The following STXBP5L variants were observed in gnomAD, a reference collection of about 807,000 sequenced individuals.
The protein encoded by STXBP5L is syntaxin-binding protein 5-like.
Under a neutral mutation model 144.5 loss-of-function variants are expected in STXBP5L, and 65 were observed. The observed-to-expected ratio is 0.45, with a 90% CI of 0.37 to 0.55. The LOEUF is 0.55. Among genes scored for constraint, STXBP5L ranks in the 20% least tolerant of loss-of-function variants. STXBP5L has a pLI of 0.00. For missense variants in STXBP5L, 1,298 were observed against 1,405.5 expected (o/e 0.92, Z 1.22); for synonymous variants, 505 against 469.6 (o/e 1.08, Z -0.97).
At chr3:121,076,988 G>GT (rs1384954169) in intron 5 of STXBP5L, among the ~76,000 whole-genome samples, 1 of 152,104 alleles carries the variant, frequency 6.6e-6, no homozygotes, top group Non-Finnish European at 1.5e-5. Flanking sequence ...CCTAGGTCTG[G>GT]TTTTTCCCAT....
chr3:121,152,309 A>G (rs1003361776), intron 7 of STXBP5L, among the ~76,000 whole-genome samples, 168 bp from the exon 8 acceptor site: 1 of 152,002 alleles, frequency 6.6e-6, no homozygotes, highest in African/African-American at 2.4e-5. Flanking sequence ...ATTGAAGCAG[A>G]GTTTGCCATT....
intron 20 of STXBP5L, among the ~76,000 whole-genome samples, chr3:121,330,970 G>C (rs2044303360): frequency 6.6e-6 from 1 of 152,204 alleles, no homozygotes; most frequent in Non-Finnish European, 1.5e-5. Context: ...CTTGAGGACA[G>C]GTCATGTGCC....
At chr3:120,998,201 C>G (rs1357812144) in intron 3 of STXBP5L, among the ~76,000 whole-genome samples, 1 of 152,096 alleles carries the variant, frequency 6.6e-6, no homozygotes, top group Non-Finnish European at 1.5e-5. Flanking sequence ...TTTACCACTC[C>G]AATTCAACAT....
intron 20 of STXBP5L, among the ~76,000 whole-genome samples, chr3:121,363,331 G>T (rs1031400810): frequency 6.6e-6 from 1 of 152,138 alleles, no homozygotes; most frequent in African/African-American, 2.4e-5. Context: ...TCACCTAAGA[G>T]TTGTAGTCCT....
rs199635948 is a variant in STXBP5L, at chr3:121,411,186, C to T, written c.2949-1972C>T. 2.6e-5 allele frequency among the ~76,000 whole-genome samples: 4 copies of T among 152,202 alleles called. No individual in the cohort carries two copies. The East Asian group carries it at 7.7e-4, about 29-fold the overall frequency. ...CGTTTACAGCACATCTCAATTCAGA[C>T]GAGCCACGTATCAACTGCTCAATAG... On this transcript the variant is annotated intron_variant, in intron 23 of 26. Transcript: ENST00000471454.
intron 20 of STXBP5L, among the ~76,000 whole-genome samples, chr3:121,322,505 C>A (rs1033657963): frequency 6.9e-6 from 1 of 144,218 alleles, no homozygotes; most frequent in Non-Finnish European, 1.5e-5. Flanking sequence ...ACATGACTTT[C>A]TTTTTTATGG....
intron 4 of STXBP5L, among the ~76,000 whole-genome samples, chr3:121,042,112 A>G (rs1947199840): frequency 6.6e-6 from 1 of 152,102 alleles, no homozygotes; most frequent in South Asian, 2.1e-4. Flanking sequence ...CCACCAACTT[A>G]AATTTTGTAA....
intron 7 of STXBP5L, among the ~76,000 whole-genome samples, chr3:121,141,552 T>C (rs2045505844): frequency 6.6e-6 from 1 of 152,164 alleles, no homozygotes; most frequent in South Asian, 2.1e-4. Flanking sequence ...AGGATACAAT[T>C]AGTAAAAATA....
In STXBP5L at chr3:121,359,319, A is replaced by G. The variant is rs535954461; in HGVS notation, c.2177-19397A>G. ...TCAGATTATTAGATTTTTTTCATAT[A>G]GAGTTGTTTTGAGCTTTTTATATAT... On this transcript the variant is annotated intron_variant, in intron 20 of 26. Transcript: ENST00000471454. Among the ~76,000 whole-genome samples the G allele has an allele frequency of 2.3e-4, 35 of 152,190 alleles. 1 individual carries two copies. In the South Asian group the frequency reaches 7.1e-3, roughly 31 times the overall value.
At chr3:120,977,611 C>T (rs2638579) in intron 3 of STXBP5L, among the ~76,000 whole-genome samples, 32,393 of 151,920 alleles carry the variant, frequency 0.21, 3,670 homozygotes, top group Non-Finnish European at 0.26. Context: ...TTATTTTGCT[C>T]CTTAGTTGAG....
intron 10 of STXBP5L, among the ~76,000 whole-genome samples, chr3:121,221,068 A>G (rs929987294): frequency 1.3e-5 from 2 of 151,820 alleles, no homozygotes; most frequent in East Asian, 3.8e-4. Flanking sequence ...CTTAGCTGTT[A>G]TTTAACCTCA....
At chr3:121,144,436 G>A (rs527648192) in intron 7 of STXBP5L, among the ~76,000 whole-genome samples, 1 of 151,876 alleles carries the variant, frequency 6.6e-6, no homozygotes, top group East Asian at 1.9e-4. Flanking sequence ...ATAGATACTA[G>A]GATCATTATT....
chr3:121,318,221 G>T (rs562775122), intron 19 of STXBP5L, among the ~76,000 whole-genome samples: 13 of 152,060 alleles, frequency 8.5e-5, no homozygotes, highest in Non-Finnish European at 1.5e-4. Flanking sequence ...ACTTTGGGAA[G>T]CTGAGGTGGG....
At chr3:121,053,966 T>C (rs1312893245) in intron 5 of STXBP5L, among the ~76,000 whole-genome samples, 1 of 152,104 alleles carries the variant, frequency 6.6e-6, no homozygotes, top group Non-Finnish European at 1.5e-5. Context: ...AAGACATTTA[T>C]GCAGCCAAAA....
At chr3:121,208,251 CAT>C (rs1161410891) in intron 10 of STXBP5L, among the ~76,000 whole-genome samples, 1 of 148,446 alleles carries the variant, frequency 6.7e-6, no homozygotes, top group African/African-American at 2.5e-5. Flanking sequence ...CCAAACACCA[CAT>C]GTTCTCACTC....
At chr3:121,229,212 C>G (rs891349836) in intron 11 of STXBP5L, among the ~76,000 whole-genome samples, 4 of 152,282 alleles carry the variant, frequency 2.6e-5, no homozygotes, top group African/African-American at 9.6e-5. Flanking sequence ...CAAAATTATT[C>G]TCTTATCTTT....
chr3:121,141,182 T>C (rs1256498948), intron 7 of STXBP5L, among the ~76,000 whole-genome samples: 3 of 152,110 alleles, frequency 2.0e-5, no homozygotes, highest in Non-Finnish European at 4.4e-5. Flanking sequence ...GCCAGGCAGA[T>C]CACCTGAGAT....
chr3:121,208,420 C>T lies in STXBP5L; in HGVS notation c.956+2419C>T, dbSNP rs554514150. On this transcript the variant is annotated intron_variant, in intron 10 of 26. Transcript: ENST00000471454. The stretch of plus-strand genomic sequence containing the variant: ...ATGGGTGCAGCACACCAACATGGTG[C>T]ATGTATACATATGTAACAAACCTGG... 3.5e-4 allele frequency among the ~76,000 whole-genome samples: 53 copies of T among 152,078 alleles called. 2 individuals carry two copies. The South Asian group carries it at 0.011, about 31-fold the overall frequency.
intron 3 of STXBP5L, among the ~76,000 whole-genome samples, chr3:121,009,553 A>G (rs1347770873): frequency 2.0e-5 from 3 of 151,976 alleles, no homozygotes; most frequent in Admixed American, 6.6e-5. Flanking sequence ...CCTTATGGAG[A>G]GGACCCATTT....
Sources: allele counts gnomAD v4.1 joint callset (sites outside exome capture counted in the v4.1 genomes callset), GRCh38; gene constraint gnomAD v4.1.1; transcripts MANE v1.5; gene names NCBI Gene and HGNC (gene_info 2026-07-23, HGNC 2026-07-21).